Variants in PIGU observed in about 807,000 individuals in gnomAD.
The protein encoded by PIGU is phosphatidylinositol glycan anchor biosynthesis class U, also known as GPI-anchor transamidase component PIGU.
PIGU carries 24 observed loss-of-function variants against 49.9 expected under a neutral mutation model. The ratio of observed to expected loss-of-function variants is 0.48; its 90% CI spans 0.35 to 0.68. The LOEUF is 0.68. PIGU is among the 30% of genes least tolerant of loss of function. The pLI is 0.01. For missense variants in PIGU, 490 were observed against 532.6 expected (o/e 0.92, Z 0.79); for synonymous variants, 220 against 205.7 (o/e 1.07, Z -0.59).
At chr20:34,665,160 G>A (rs1036776045) in intron 1 of PIGU, among the ~76,000 whole-genome samples, 6 of 144,068 alleles carry the variant, frequency 4.2e-5, no homozygotes, top group African/African-American at 1.6e-4. Flanking sequence ...TGAGTAGCTG[G>A]GATTACAGAT....
At chr20:34,584,501 GTTCTTTT>G (rs1983615215) in intron 9 of PIGU, among the ~76,000 whole-genome samples, 1 of 125,066 alleles carries the variant, frequency 8.0e-6, no homozygotes, top group African/African-American at 3.0e-5. Context: ...CACAACTCCT[GTTCTTTT>G]TTTTTTTTTT....
chr20:34,646,581 G>A (rs892792583), intron 2 of PIGU, among the ~76,000 whole-genome samples: 4 of 148,506 alleles, frequency 2.7e-5, no homozygotes, highest in African/African-American at 1.0e-4. Context: ...GCTAATTTTT[G>A]TATTTTTAGT....
intron 7 of PIGU, among the ~76,000 whole-genome samples, chr20:34,603,330 T>C (rs1265929170): frequency 6.6e-6 from 1 of 152,210 alleles, no homozygotes; most frequent in Non-Finnish European, 1.5e-5. Flanking sequence ...ATCATTTTGT[T>C]TTCATTTGTA....
chr20:34,665,292 C>T (rs1987054787), intron 1 of PIGU, among the ~76,000 whole-genome samples: 1 of 147,840 alleles, frequency 6.8e-6, no homozygotes, highest in Non-Finnish European at 1.5e-5. Context: ...CAAGCTCCGC[C>T]TCCCGGGTTC....
chr20:34,607,881 G>T (rs995384145), intron 7 of PIGU, among the ~76,000 whole-genome samples: 2 of 152,150 alleles, frequency 1.3e-5, no homozygotes, highest in Non-Finnish European at 1.5e-5. Context: ...CTCCCTAAGT[G>T]CTGGGACTAT....
intron 6 of PIGU, among the ~76,000 whole-genome samples, chr20:34,616,872 G>A (rs566069668): frequency 4.6e-5 from 7 of 152,266 alleles, no homozygotes; most frequent in African/African-American, 1.7e-4. Context: ...CCAGCACTTC[G>A]AGAGGCCGAG....
At chr20:34,582,878 C>G (rs1029190572) in intron 9 of PIGU, among the ~76,000 whole-genome samples, 4 of 152,034 alleles carry the variant, frequency 2.6e-5, no homozygotes, top group Non-Finnish European at 5.9e-5. Flanking sequence ...GGACAGAGCT[C>G]AATCTCGGTG....
At chr20:34,662,789 G>A (rs189314537) in intron 1 of PIGU, among the ~76,000 whole-genome samples, 2 of 152,292 alleles carry the variant, frequency 1.3e-5, no homozygotes, top group South Asian at 2.1e-4. Flanking sequence ...ATATTTAAAT[G>A]TTCACAATGA....
chr20:34,618,504 G>A lies in PIGU; in HGVS notation c.530-2365C>T, dbSNP rs1985092976. Among the ~76,000 whole-genome samples the A allele has an allele frequency of 3.9e-5, 6 of 152,268 alleles. No homozygotes were observed. The South Asian group carries it at 1.0e-3, about 26-fold the overall frequency. On this transcript the variant is annotated intron_variant, in intron 6 of 11. Transcript: ENST00000217446. ...AACTATTTACTGAAAATAACAGGCG[G>A]GGCATGGTGGTTCACAAATGTAATC...
At position 34,654,683 on chromosome 20, in the gene PIGU, C is replaced by T. The variant is rs1480364340; in HGVS notation, c.195+2497G>A. Among the ~76,000 whole-genome samples the T allele has an allele frequency of 4.2e-5, 5 of 120,218 alleles. 2 individuals are homozygous for T. The highest frequency in any genetic ancestry group is 5.1e-4 in the East Asian group (2 of 3,892). The allele number at this position is 120,218 out of a possible 152,430, so 78.9% of individuals were successfully genotyped here. A position where few individuals can be genotyped will look rare whatever the true frequency, so the allele number is the denominator to read the frequency against. ...AAAAAACAAACAAAAAAAAACTGTT[C>T]TCAAAGTACATATGAGAGAGATAAC... On this transcript the variant is annotated intron_variant, in intron 2 of 11. Transcript: ENST00000217446.
chr20:34,587,072 C>T (rs758224533), intron 8 of PIGU, among the ~76,000 whole-genome samples: 7 of 152,314 alleles, frequency 4.6e-5, no homozygotes, highest in Admixed American at 1.3e-4. Flanking sequence ...TTTCAGAGTA[C>T]AGGTTCTCAA....
intron 4 of PIGU, among the ~76,000 whole-genome samples, chr20:34,642,744 C>CTTT (rs946911419): frequency 6.6e-5 from 6 of 91,156 alleles, no homozygotes; most frequent in African/African-American, 1.2e-4. Flanking sequence ...TTTCCCTAGT[C>CTTT]TTTTTTTTTT....
intron 1 of PIGU, among the ~76,000 whole-genome samples, chr20:34,673,409 ATGT>A (rs1205260318): frequency 1.3e-5 from 2 of 152,192 alleles, no homozygotes; most frequent in East Asian, 1.9e-4. Context: ...ATGCTTACAG[ATGT>A]TGTACCTTCC....
intron 4 of PIGU, 196 bp downstream of exon 4, chr20:34,643,968 C>G: frequency 2.2e-6 from 1 of 462,416 alleles, no homozygotes; most frequent in Middle Eastern, 5.1e-4. Flanking sequence ...GAAGCTGGCC[C>G]TTCTTTATCT....
chr20:34,574,993 C>G, intron 11 of PIGU, 111 bp downstream of exon 11: 1 of 1,412,916 alleles, frequency 7.1e-7, no homozygotes, highest in South Asian at 1.3e-5. Flanking sequence ...GTAACTGTGC[C>G]TCCTTCACGT....
chr20:34,592,209 T>C (rs1238923465), intron 7 of PIGU, among the ~76,000 whole-genome samples: 2 of 148,816 alleles, frequency 1.3e-5, no homozygotes, highest in South Asian at 2.1e-4. Flanking sequence ...AAAAGAAATA[T>C]TAAAGAAAGT....
intron 7 of PIGU, among the ~76,000 whole-genome samples, chr20:34,589,133 ACACACACACACACAC>A (rs1310743477): frequency 6.8e-6 from 1 of 146,550 alleles, no homozygotes; most frequent in Non-Finnish European, 1.5e-5. Flanking sequence ...ACACACACAC[ACACACACACACACAC>A]ATCTGTAAGT....
chr20:34,571,395 C>T (rs753147500), intron 11 of PIGU, among the ~76,000 whole-genome samples: 6 of 152,096 alleles, frequency 3.9e-5, no homozygotes, highest in Non-Finnish European at 8.8e-5. Flanking sequence ...ACAACTCAAA[C>T]AGAGCAGGAT....
intron 8 of PIGU, 43 bp downstream of exon 8, chr20:34,588,410 T>C: frequency 6.4e-7 from 1 of 1,571,830 alleles, no homozygotes; most frequent in Non-Finnish European, 8.7e-7. Flanking sequence ...GGGTTCCCTT[T>C]TCCCCACAGC....
Sources: allele counts gnomAD v4.1 joint callset (sites outside exome capture counted in the v4.1 genomes callset), GRCh38; gene constraint gnomAD v4.1.1; transcripts MANE v1.5; gene names NCBI Gene and HGNC (gene_info 2026-07-23, HGNC 2026-07-21).